HYDIN: variants seen among roughly 807,000 people sequenced by gnomAD.
HYDIN encodes HYDIN axonemal central pair apparatus protein.
In HYDIN, 132 loss-of-function variants were observed where a neutral mutation model predicts 403.9. The ratio of observed to expected loss-of-function variants is 0.33; its 90% CI spans 0.28 to 0.38. The LOEUF (loss-of-function observed/expected upper bound fraction) is 0.38, where lower values mean the gene tolerates loss of function less well. Ranked by LOEUF, HYDIN falls within the 10% of genes least tolerant of loss-of-function variation. The pLI is 1.00. For synonymous variants in HYDIN, 1,202 were observed against 1,891.7 expected (o/e 0.64, Z 9.46); for missense variants, 2,827 against 5,009.5 (o/e 0.56, Z 13.15).
rs200322457 is a variant in HYDIN at position 70,807,729 on chromosome 16, T to C, written c.15217A>G (p.Lys5073Glu). The C allele has an allele frequency of 4.9e-5, 79 of 1,614,166 alleles. 1 individual carries two copies. In the Middle Eastern group the frequency reaches 8.2e-4, roughly 17 times the overall value. The change falls in exon 86 of 86, where the codon AAG (lysine) becomes GAG (glutamate). Residue 5073 changes from lysine to glutamate, a missense_variant. Physicochemically the swap from Lys to Glu is moderately conservative, Grantham distance 56 (BLOSUM62 1). Transcript: ENST00000393567. Reference protein sequence around the residue: ...IRAGESVRPKKINNITVSFEG... With the variant: ...IRAGESVRPKEINNITVSFEG... ...AAGGAGACTGTGATGTTGTTGATCT[T>C]CTTGGGCCGCACAGACTCTCCAGCG...
At chr16:70,819,964 C>T (rs1307180252) in intron 83 of HYDIN, among the ~76,000 whole-genome samples, 18 of 146,834 alleles carry the variant, frequency 1.2e-4, no homozygotes, top group African/African-American at 3.3e-4. Flanking sequence ...TCCGCCATCA[C>T]GCCTGGCTAA....
chr16:70,838,643 C>CT (rs1338912221), intron 76 of HYDIN, among the ~76,000 whole-genome samples: 1 of 152,096 alleles, frequency 6.6e-6, no homozygotes, highest in Non-Finnish European at 1.5e-5. Context: ...TGGATCTAGG[C>CT]TCCATCACTA....
chr16:71,010,926 C>T (rs2144099591), intron 23 of HYDIN, among the ~76,000 whole-genome samples: 1 of 152,364 alleles, frequency 6.6e-6, no homozygotes, highest in Non-Finnish European at 1.5e-5. Context: ...CCCTGGCCCC[C>T]TTAAGCCACA....
intron 71 of HYDIN, among the ~76,000 whole-genome samples, chr16:70,859,199 G>A (rs1373732488): frequency 1.3e-5 from 2 of 152,130 alleles, no homozygotes; most frequent in East Asian, 3.9e-4. Flanking sequence ...TACTCGGAAG[G>A]CTGAGTCAGG....
Position 71,039,264 on chromosome 16 carries a change from G to A in HYDIN, c.2530-7347C>T, listed in dbSNP as rs151238525. ...AAGGGTGCTAAGCATCTAGCACCTCGTCTATCATAGATTACATGCTCAGTC... is the reference window on the plus strand; with the variant it reads ...AAGGGTGCTAAGCATCTAGCACCTCATCTATCATAGATTACATGCTCAGTC... On this transcript the variant is annotated intron_variant, in intron 18 of 85. Transcript: ENST00000393567. Among the ~76,000 whole-genome samples, 399 of 152,240 alleles carry A rather than the reference G, an allele frequency of 2.6e-3. 4 individuals carry two copies. The highest frequency in any genetic ancestry group is 8.8e-3 in the African/African-American group (366 of 41,544).
chr16:71,165,747 G>C (rs1355287498), intron 5 of HYDIN, among the ~76,000 whole-genome samples: 1 of 151,914 alleles, frequency 6.6e-6, no homozygotes, highest in Non-Finnish European at 1.5e-5. Flanking sequence ...AGGGGGAGGG[G>C]GGCGGTCAGG....
intron 10 of HYDIN, among the ~76,000 whole-genome samples, chr16:71,105,310 A>T (rs1476648699): frequency 3.9e-5 from 6 of 152,010 alleles, no homozygotes; most frequent in Non-Finnish European, 7.4e-5. Flanking sequence ...CACAGGAAAC[A>T]CATATATCTA....
chr16:71,158,612 G>T (rs899228944), intron 6 of HYDIN, among the ~76,000 whole-genome samples: 3 of 140,986 alleles, frequency 2.1e-5, no homozygotes, highest in Non-Finnish European at 4.6e-5. Context: ...AAATACCATT[G>T]TAACAGTTTT....
rs771925823 is a variant in HYDIN, at chr16:70,908,704, T to C, written c.8162A>G (p.Asp2721Gly). ...CCCGTTGAAGTTGTCCAGGTCTGTA[T>C]CTGACAGCTGGGAAATGGTTCCAGC... ...EPAGTISQLS[D>G]TDLDNFNGQH... Residue 2721 changes from aspartate (D) to glycine (G), a missense_variant, in exon 48 of 86, where the codon GAT (aspartate) becomes GGT (glycine). Transcript: ENST00000393567. 7 of 1,610,384 alleles carry C rather than the reference T, an allele frequency of 4.3e-6. No homozygotes were observed. In the East Asian group the frequency reaches 1.1e-4, roughly 26 times the overall value.
At chr16:71,139,270 A>G (rs1166554151) in intron 7 of HYDIN, among the ~76,000 whole-genome samples, 3 of 152,142 alleles carry the variant, frequency 2.0e-5, no homozygotes, top group Admixed American at 1.3e-4. Flanking sequence ...AAGAAACTCA[A>G]TTTTTTGGGG....
chr16:70,854,350 T>C (rs1490914039), intron 73 of HYDIN, among the ~76,000 whole-genome samples: 6 of 149,158 alleles, frequency 4.0e-5, no homozygotes, highest in Admixed American at 2.7e-4. Flanking sequence ...TTCTCATGCC[T>C]CAGCCTCCCA....
intron 42 of HYDIN, among the ~76,000 whole-genome samples, chr16:70,942,887 C>T (rs1422564115): frequency 6.6e-6 from 1 of 152,214 alleles, no homozygotes; most frequent in African/African-American, 2.4e-5. Flanking sequence ...AGCCTTTACT[C>T]TGGGTATCTA....
At chr16:70,822,741 G>A (rs1210683311) in intron 83 of HYDIN, among the ~76,000 whole-genome samples, 1 of 152,172 alleles carries the variant, frequency 6.6e-6, no homozygotes, top group East Asian at 1.9e-4. Context: ...ATCGAGGCAA[G>A]ACCCTCCACC....
chr16:70,836,093 A>G (rs3751875), intron 77 of HYDIN, among the ~76,000 whole-genome samples: 24,046 of 151,862 alleles, frequency 0.16, 2,764 homozygotes, highest in African/African-American at 0.33. Context: ...AGCATATTAC[A>G]TGGGGCTGAA....
At chr16:71,052,578 T>C (rs201563650) in intron 18 of HYDIN, among the ~76,000 whole-genome samples, 2,148 of 144,618 alleles carry the variant, frequency 0.015, 58 homozygotes, top group South Asian at 0.1. Flanking sequence ...CAGTTATGGC[T>C]GGCCGCAGTG....
intron 7 of HYDIN, among the ~76,000 whole-genome samples, chr16:71,146,240 A>T (rs2144562823): frequency 6.6e-6 from 1 of 151,868 alleles, no homozygotes; most frequent in Non-Finnish European, 1.5e-5. Flanking sequence ...CCTGATTTAA[A>T]ATCTTGTGAT....
intron 1 of HYDIN, among the ~76,000 whole-genome samples, chr16:71,197,337 T>C (rs2087748026): frequency 6.6e-6 from 1 of 152,204 alleles, no homozygotes. Flanking sequence ...AACTCAGTGA[T>C]ACGGTTACTA....
rs60618592 is a variant in HYDIN at position 70,902,821 on chromosome 16, A to ATTTT, written c.8849+800_8849+803dup. 2.5e-4 allele frequency among the ~76,000 whole-genome samples: 12 copies of ATTTT among 47,308 alleles called. 2 individuals carry two copies. Among genetic ancestry groups the ATTTT allele is most frequent in the African/African-American group, 1.4e-3 (12 of 8,564 alleles). The allele number at this position is 47,308 out of a possible 152,430, so 31.0% of individuals were successfully genotyped here. A position where few individuals can be genotyped will look rare whatever the true frequency, so the allele number is the denominator to read the frequency against. On this transcript the variant is annotated intron_variant, in intron 52 of 85. Coordinates refer to ENST00000393567, the MANE Select transcript of HYDIN (RefSeq NM_001270974.2). Reference sequence around the variant, plus strand: ...TATATATATATATATATATATATATATTTTTTTTTTTTTTTTTGTCCCACT... The same window carrying ATTTT: ...TATATATATATATATATATATATATATTTTTTTTTTTTTTTTTTTTTGTCCCACT...
chr16:70,955,886 T>G (rs1299112823), intron 39 of HYDIN, among the ~76,000 whole-genome samples: 1 of 152,216 alleles, frequency 6.6e-6, no homozygotes, highest in Non-Finnish European at 1.5e-5. Context: ...TGGCGAGATC[T>G]CAGCTCACCG....
Sources: allele counts gnomAD v4.1 joint callset (sites outside exome capture counted in the v4.1 genomes callset), GRCh38; gene constraint gnomAD v4.1.1; transcripts MANE v1.5; gene names NCBI Gene and HGNC (gene_info 2026-07-23, HGNC 2026-07-21).